The following PDE4B variants were observed in gnomAD, a reference collection of about 807,000 sequenced individuals.
The protein encoded by PDE4B is 3',5'-cyclic-AMP phosphodiesterase 4B.
In PDE4B, 20 loss-of-function variants were observed where a neutral mutation model predicts 82.2. The ratio of observed to expected loss-of-function variants is 0.24; its 90% CI spans 0.17 to 0.35. PDE4B has a LOEUF of 0.35. PDE4B is among the 10% of genes least tolerant of loss of function. The pLI is 1.00. For missense variants in PDE4B, 655 were observed against 907.2 expected (o/e 0.72, Z 3.57); for synonymous variants, 320 against 318.9 (o/e 1.00, Z -0.04).
chr1:65,942,787 C>T (rs11208773), intron 3 of PDE4B, among the ~76,000 whole-genome samples: 17,666 of 151,980 alleles, frequency 0.12, 1,209 homozygotes, highest in Middle Eastern at 0.2. Flanking sequence ...TGATGTTGAA[C>T]GTTTTTTCAT....
intron 3 of PDE4B, among the ~76,000 whole-genome samples, chr1:65,955,674 A>T (rs572980275): frequency 6.6e-6 from 1 of 152,114 alleles, no homozygotes; most frequent in Non-Finnish European, 1.5e-5. Context: ...TTTATCTAGC[A>T]GCTTACCTGT....
chr1:66,190,401 C>T (rs530478632), intron 3 of PDE4B, among the ~76,000 whole-genome samples: 1 of 152,314 alleles, frequency 6.6e-6, no homozygotes, highest in Non-Finnish European at 1.5e-5. Context: ...GTTTTTGCTG[C>T]CTTTTGTTTG....
At chr1:66,112,081 A>G (rs1645500056) in intron 3 of PDE4B, among the ~76,000 whole-genome samples, 1 of 152,180 alleles carries the variant, frequency 6.6e-6, no homozygotes, top group African/African-American at 2.4e-5. Flanking sequence ...TAATTTATAT[A>G]CATTGAGTAC....
intron 4 of PDE4B, among the ~76,000 whole-genome samples, chr1:66,248,160 C>T (rs1471891276): frequency 6.6e-6 from 1 of 152,138 alleles, no homozygotes; most frequent in Non-Finnish European, 1.5e-5. Flanking sequence ...CCACTTGTTG[C>T]CTGGCTCCTT....
intron 3 of PDE4B, among the ~76,000 whole-genome samples, chr1:65,935,948 A>AC (rs899931134): frequency 6.6e-5 from 10 of 152,048 alleles, no homozygotes; most frequent in Non-Finnish European, 1.5e-4. Flanking sequence ...AAAAAAAACA[A>AC]AACAACAACA....
chr1:65,947,546 A>G (rs1648776406), intron 3 of PDE4B, among the ~76,000 whole-genome samples: 1 of 152,040 alleles, frequency 6.6e-6, no homozygotes, highest in African/African-American at 2.4e-5. Flanking sequence ...GACCTTGTTT[A>G]GAAATAGGGT....
chr1:66,275,613 G>C (rs1247540228), intron 7 of PDE4B, among the ~76,000 whole-genome samples: 1 of 152,204 alleles, frequency 6.6e-6, no homozygotes, highest in Non-Finnish European at 1.5e-5. Context: ...GACCACCGAA[G>C]TTCCTTTTTC....
At chr1:66,057,898 A>C (rs933684060) in intron 3 of PDE4B, among the ~76,000 whole-genome samples, 4 of 152,170 alleles carry the variant, frequency 2.6e-5, no homozygotes, top group Non-Finnish European at 5.9e-5. Context: ...TTCACATTTC[A>C]AAATCAATCA....
intron 7 of PDE4B, among the ~76,000 whole-genome samples, chr1:66,280,919 T>A (rs374329607): frequency 3.9e-5 from 6 of 152,168 alleles, no homozygotes; most frequent in Admixed American, 2.0e-4. Context: ...CAGAGAAAGC[T>A]GAGAGTGACT....
intron 16 of PDE4B, among the ~76,000 whole-genome samples, chr1:66,370,343 T>A (rs1285989068): frequency 2.0e-5 from 3 of 152,112 alleles, no homozygotes; most frequent in Non-Finnish European, 4.4e-5. Flanking sequence ...TGTTTTATGT[T>A]TATATGATGT....
chr1:65,794,438 G>A (rs1184814265), intron 1 of PDE4B, among the ~76,000 whole-genome samples: 1 of 152,158 alleles, frequency 6.6e-6, no homozygotes, highest in Non-Finnish European at 1.5e-5. Context: ...CAAATTTGGA[G>A]ATTTCAGTGT....
At chr1:65,914,080 A>G (rs1647128613) in intron 2 of PDE4B, among the ~76,000 whole-genome samples, 1 of 152,140 alleles carries the variant, frequency 6.6e-6, no homozygotes, top group African/African-American at 2.4e-5. Context: ...TTACCCAATT[A>G]CTGTTTGTAA....
At chr1:65,854,553 C>A (rs905007994) in intron 1 of PDE4B, among the ~76,000 whole-genome samples, 1 of 151,754 alleles carries the variant, frequency 6.6e-6, no homozygotes, top group Non-Finnish European at 1.5e-5. Context: ...ATTTTAAAGT[C>A]ATGGCTCCAA....
chr1:66,177,969 T>C (rs1646969693), intron 3 of PDE4B, among the ~76,000 whole-genome samples: 1 of 151,758 alleles, frequency 6.6e-6, no homozygotes, highest in Admixed American at 6.6e-5. Flanking sequence ...AGTGTTAGAA[T>C]TGGAATTATA....
At chr1:66,199,840 A>T (rs543135845) in intron 3 of PDE4B, among the ~76,000 whole-genome samples, 10 of 152,152 alleles carry the variant, frequency 6.6e-5, no homozygotes, top group South Asian at 6.2e-4. Flanking sequence ...GCAGAAGCTC[A>T]TTAGTTTAAT....
intron 9 of PDE4B, among the ~76,000 whole-genome samples, chr1:66,359,701 A>G (rs980700990): frequency 1.3e-5 from 2 of 152,216 alleles, no homozygotes; most frequent in African/African-American, 2.4e-5. Flanking sequence ...GAGCCTCTTT[A>G]ACCGGAGGTG....
chr1:66,258,391 A>G (rs1171778404), intron 6 of PDE4B, among the ~76,000 whole-genome samples: 3 of 152,228 alleles, frequency 2.0e-5, no homozygotes, highest in Non-Finnish European at 2.9e-5. Flanking sequence ...AATGTTGCTG[A>G]TCCTTGATCT....
At chr1:66,215,838 C>T (rs1650406097) in intron 3 of PDE4B, among the ~76,000 whole-genome samples, 1 of 152,114 alleles carries the variant, frequency 6.6e-6, no homozygotes, top group African/African-American at 2.4e-5. Flanking sequence ...GATACATCCC[C>T]AGACTCTGTC....
chr1:65,963,430 G>A (rs1055386214), intron 3 of PDE4B, among the ~76,000 whole-genome samples: 4 of 152,160 alleles, frequency 2.6e-5, no homozygotes, highest in African/African-American at 9.7e-5. Flanking sequence ...AATGCTTGAG[G>A]TGTCCCTCAT....
Sources: gnomAD v4.1 joint callset for allele counts (sites outside exome capture counted in the v4.1 genomes callset) on GRCh38, gnomAD v4.1.1 for gene constraint, MANE v1.5 for transcripts, NCBI Gene and HGNC (gene_info 2026-07-23, HGNC 2026-07-21) for gene names.